Variants in SARM1 observed in about 807,000 individuals in gnomAD.
The protein encoded by SARM1 is sterile alpha and TIR motif containing 1.
Under a neutral mutation model 65.1 loss-of-function variants are expected in SARM1, and 60 were observed. The observed-to-expected ratio is 0.92, with a 90% CI of 0.75 to 1.14. SARM1 has a LOEUF of 1.14. Ranked by LOEUF, SARM1 falls within the 50% of genes most tolerant of loss-of-function variation. The pLI is 0.00. For missense variants in SARM1, 913 were observed against 1,015.7 expected (o/e 0.90, Z 1.37); for synonymous variants, 417 against 465.4 (o/e 0.90, Z 1.34).
rs1183755575 is a variant in SARM1 at position 28,372,869 on chromosome 17, G to A, written c.470+367G>A. 4.5e-6 allele frequency: 1 copy of A among 221,746 alleles called. No homozygotes were observed. Among genetic ancestry groups the A allele is most frequent in the African/African-American group, 2.3e-5 (1 of 43,520 alleles). 13.7% of individuals were successfully genotyped at this position (221,746 alleles called of 1,614,324 possible). On this transcript the variant is annotated intron_variant, in intron 1 of 8. Coordinates refer to ENST00000585482, the MANE Select transcript of SARM1 (RefSeq NM_015077.4). This position sits in a 1 kb window ranked among gnomAD's most constrained non-coding sequence, Gnocchi z 5.2. ...CTCCTTCCCACCGGCTTGGGTTCCC[G>A]TCTATGACACCTTCTCTCGCCATCA...
chr17:28,388,160 A>G lies in SARM1; in HGVS notation c.1631-14A>G. ...AGGGGCCACCTTCACCATGCTGCCT[A>G]TTGCCCACTTCAGAAATGCTACACT... On this transcript the variant is annotated splice_polypyrimidine_tract_variant and intron_variant, in intron 5 of 8. Coordinates refer to ENST00000585482, the MANE Select transcript of SARM1 (RefSeq NM_015077.4). 1 of 1,534,658 alleles carries G rather than the reference A, an allele frequency of 6.5e-7. No homozygotes were observed. The highest frequency in any genetic ancestry group is 8.8e-7 in the Non-Finnish European group (1 of 1,133,712).
chr17:28,397,074 G>C lies in SARM1; in HGVS notation c.*788G>C, dbSNP rs1555588292. ...CCCATGCCTTGGTGCTGTGCCTCAG[G>C]CTCCTTCCTGGTCTGGCCCAGCTGG... On this transcript the variant is annotated 3_prime_UTR_variant, in exon 9 of 9. Transcript: ENST00000585482. 6.5e-6 allele frequency: 1 copy of C among 152,794 alleles called. No individual in the cohort carries two copies. The highest frequency in any genetic ancestry group is 1.5e-5 in the Non-Finnish European group (1 of 68,224). The allele number at this position is 152,794 out of a possible 1,614,324, so 9.5% of individuals were successfully genotyped here.
In SARM1 at chr17:28,384,516, G is replaced by A; in HGVS notation, c.1249G>A (p.Val417Ile). 1.2e-6 allele frequency: 2 copies of A among 1,613,390 alleles called. No homozygotes were observed. The highest frequency in any genetic ancestry group is 1.3e-5 in the African/African-American group (1 of 75,058). Residue 417 changes from valine (V) to isoleucine (I), a missense_variant, in exon 3 of 9, where the codon GTT becomes ATT. Physicochemically the swap from Val to Ile is conservative, Grantham distance 29. This residue lies in a region of SARM1 where 862 missense variants were observed against 952.1 expected (regional missense o/e 0.91). Transcript: ENST00000585482. This position sits in a 1 kb window ranked among gnomAD's most constrained non-coding sequence, Gnocchi z 4.4. ...PSVPSWKEAE[V>I]QTWLQQIGFS... Reference sequence around the variant, plus strand: ...CGTGCCCAGCTGGAAGGAGGCCGAGGTTCAGACGTGGCTGCAGCAGATCGG... The same window carrying A: ...CGTGCCCAGCTGGAAGGAGGCCGAGATTCAGACGTGGCTGCAGCAGATCGG...
intron 1 of SARM1, among the ~76,000 whole-genome samples, chr17:28,374,526 G>A (rs1302179928): frequency 6.6e-6 from 1 of 152,090 alleles, no homozygotes; most frequent in Non-Finnish European, 1.5e-5. Context: ...AACAGAGTGA[G>A]ACTCCATCTC....
rs782291052 is a variant in SARM1 at position 28,381,192 on chromosome 17, T to C, written c.471-11T>C. The C allele has an allele frequency of 3.8e-6, 6 of 1,577,788 alleles. No individual in the cohort carries two copies. The highest frequency in any genetic ancestry group is 3.6e-5 in the Admixed American group (2 of 55,788). On this transcript the variant is annotated splice_polypyrimidine_tract_variant and intron_variant, in intron 1 of 8. Transcript: ENST00000585482. Reference sequence around the variant, plus strand: ...GCAATTCCACTGTCCCCTTCCACTTTCACTGGGCAGAGACCGCGTGGCGCG... The same window carrying C: ...GCAATTCCACTGTCCCCTTCCACTTCCACTGGGCAGAGACCGCGTGGCGCG...
Position 28,381,479 on chromosome 17 carries a change from C to T in SARM1, c.747C>T (p.Arg249=). ...TGCAGCGACGCATGGTAGAGAAGCGCGCAGCCGAGTGGCTCTTCCCGCTCG... is the reference window on the plus strand; with the variant it reads ...TGCAGCGACGCATGGTAGAGAAGCGTGCAGCCGAGTGGCTCTTCCCGCTCG... ...QAVQRRMVEK[R]AAEWLFPLAF... The change falls in exon 2 of 9, where the codon CGC becomes CGT. Residue 249 remains arginine (R), a synonymous_variant. Coordinates refer to ENST00000585482, the MANE Select transcript of SARM1 (RefSeq NM_015077.4). 6.4e-7 allele frequency: 1 copy of T among 1,553,166 alleles called. No homozygotes were observed. The highest frequency in any genetic ancestry group is 1.2e-5 in the South Asian group (1 of 84,246).
At chr17:28,388,574 T>C (rs781968616) in intron 7 of SARM1, 35 bp downstream of exon 7, 2 of 1,598,064 alleles carry the variant, frequency 1.3e-6, no homozygotes, top group Non-Finnish European at 1.7e-6. Flanking sequence ...GGTCCCAGCA[T>C]TGGCCTGTGG....
intron 1 of SARM1, among the ~76,000 whole-genome samples, chr17:28,379,299 C>CT (rs1193480505): frequency 0.038 from 2,977 of 78,402 alleles, 738 homozygotes; most frequent in African/African-American, 0.071. Flanking sequence ...CCATTTAGAT[C>CT]TTTTTTTTTT....
rs782228906 is a variant in SARM1, at chr17:28,385,108, C to A, written c.1463C>A (p.Ala488Glu). The change falls in exon 5 of 9, where the codon GCG becomes GAG. Residue 488 changes from alanine (A) to glutamate (E), a missense_variant. Ala to Glu is a moderately radical substitution (Grantham distance 107). This residue lies in a region of SARM1 where 862 missense variants were observed against 952.1 expected (regional missense o/e 0.91). Coordinates refer to ENST00000585482, the MANE Select transcript of SARM1 (RefSeq NM_015077.4). The surrounding 1 kb of genome is among the most constrained non-coding windows in gnomAD (Gnocchi z 4.5). Reference protein sequence around the residue: ...NYSTCDRSNLADWLGSLDPRF... With the variant: ...NYSTCDRSNLEDWLGSLDPRF... ...TCTACGTGCGACCGCAGCAACCTGG[C>A]GGACTGGCTGGGCAGCCTGGACCCG... The A allele has an allele frequency of 8.5e-5, 137 of 1,613,680 alleles. No homozygotes were observed. Among genetic ancestry groups the A allele is most frequent in the Non-Finnish European group, 1.1e-4 (133 of 1,179,882 alleles).
Position 28,381,194 on chromosome 17 carries a change from A to C in SARM1, c.471-9A>C. The C allele has an allele frequency of 6.3e-7, 1 of 1,579,910 alleles. No homozygotes were observed. The highest frequency in any genetic ancestry group is 8.6e-7 in the Non-Finnish European group (1 of 1,164,032). On this transcript the variant is annotated splice_polypyrimidine_tract_variant and intron_variant, in intron 1 of 8. Coordinates refer to ENST00000585482, the MANE Select transcript of SARM1 (RefSeq NM_015077.4). The stretch of plus-strand genomic sequence containing the variant: ...AATTCCACTGTCCCCTTCCACTTTC[A>C]CTGGGCAGAGACCGCGTGGCGCGCA...
At chr17:28,386,412 T>C (rs1370367659) in intron 5 of SARM1, among the ~76,000 whole-genome samples, 1 of 142,080 alleles carries the variant, frequency 7.0e-6, no homozygotes, top group Non-Finnish European at 1.5e-5. Flanking sequence ...CCATCATGGG[T>C]GTTCCTTTTA....
At chr17:28,389,505 C>A (rs560179610) in intron 7 of SARM1, among the ~76,000 whole-genome samples, 1 of 152,102 alleles carries the variant, frequency 6.6e-6, no homozygotes, top group Non-Finnish European at 1.5e-5. Flanking sequence ...AATCATTAAT[C>A]GGTCAGTAGG....
chr17:28,384,717 G>A lies in SARM1; in HGVS notation c.1303-122G>A. On this transcript the variant is annotated intron_variant, in intron 3 of 8. Coordinates refer to ENST00000585482, the MANE Select transcript of SARM1 (RefSeq NM_015077.4). The surrounding 1 kb of genome is among the most constrained non-coding windows in gnomAD (Gnocchi z 4.4). Reference sequence around the variant, plus strand: ...TACGCAGCCACCGTTAGGGTCACTCGGCTCTGATCTAGGTCCCATCCGCCT... The same window carrying A: ...TACGCAGCCACCGTTAGGGTCACTCAGCTCTGATCTAGGTCCCATCCGCCT... The A allele has an allele frequency of 8.4e-7, 1 of 1,195,890 alleles. No individual in the cohort carries two copies. The highest frequency in any genetic ancestry group is 1.2e-6 in the Non-Finnish European group (1 of 837,996). 74.1% of individuals were successfully genotyped at this position (1,195,890 alleles called of 1,614,324 possible).
rs889398628 is a variant in SARM1 at position 28,398,841 on chromosome 17, C to T, written c.*2555C>T. 2.0e-5 allele frequency: 3 copies of T among 152,252 alleles called. No individual in the cohort carries two copies. The highest frequency in any genetic ancestry group is 7.2e-5 in the African/African-American group (3 of 41,470). 9.4% of individuals were successfully genotyped at this position (152,252 alleles called of 1,614,324 possible). A position where few individuals can be genotyped will look rare whatever the true frequency, so the allele number is the denominator to read the frequency against. ...ACAATTTGGGGCATTGCTGATCTAG[C>T]CGTTCCTAGTGGGGCTTGCTCAAGG... is the stretch of plus-strand genomic sequence containing the variant. On this transcript the variant is annotated 3_prime_UTR_variant, in exon 9 of 9. Transcript: ENST00000585482.
Position 28,402,376 on chromosome 17 carries a change from A to C in SARM1, c.*6090A>C. On this transcript the variant is annotated 3_prime_UTR_variant, in exon 9 of 9. Transcript: ENST00000585482. ...ATGGGGCTGGGGAGAGGGGCGTCCAAGGGAAAGGCAGCAGAGCTCCTATCC... is the reference window on the plus strand; with the variant it reads ...ATGGGGCTGGGGAGAGGGGCGTCCACGGGAAAGGCAGCAGAGCTCCTATCC... The C allele has an allele frequency of 6.8e-7, 1 of 1,478,554 alleles. No individual in the cohort carries two copies. Among genetic ancestry groups the C allele is most frequent in the Non-Finnish European group, 9.4e-7 (1 of 1,069,268 alleles). The allele number at this position is 1,478,554 out of a possible 1,614,324, so 91.6% of individuals were successfully genotyped here. A position where few individuals can be genotyped will look rare whatever the true frequency, so the allele number is the denominator to read the frequency against.
intron 7 of SARM1, among the ~76,000 whole-genome samples, chr17:28,391,727 A>ATG (rs1555586922): frequency 8.5e-6 from 1 of 117,050 alleles, no homozygotes; most frequent in East Asian, 2.5e-4. Context: ...AAAAAAAAAA[A>ATG]AGAGAGAGAG....
At chr17:28,382,086 A>G (rs1156543899) in intron 2 of SARM1, among the ~76,000 whole-genome samples, 1 of 149,680 alleles carries the variant, frequency 6.7e-6, no homozygotes, top group African/African-American at 2.4e-5. Context: ...CTGTGTGGAA[A>G]GGGGCTTGGC....
rs190683321 is a variant in SARM1 at position 28,392,486 on chromosome 17, T to C, written c.1924-3419T>C. Among the ~76,000 whole-genome samples, 556 of 152,342 alleles carry C rather than the reference T, an allele frequency of 3.6e-3. 6 individuals are homozygous for C. Among genetic ancestry groups the C allele is most frequent in the African/African-American group, 0.013 (529 of 41,580 alleles). On this transcript the variant is annotated intron_variant, in intron 7 of 8. Transcript: ENST00000585482. ...AATTTGTACTGTCTTTGGTTTTGTA[T>C]AATTCTGGATGAAACAAATTTCTAA...
At chr17:28,390,678 T>TAAA (rs1305269352) in intron 7 of SARM1, among the ~76,000 whole-genome samples, 3 of 129,988 alleles carry the variant, frequency 2.3e-5, no homozygotes, top group Non-Finnish European at 5.0e-5. Flanking sequence ...TTGGGCAAGA[T>TAAA]AAAAAAAAAA....
Sources: allele counts gnomAD v4.1 joint callset (sites outside exome capture counted in the v4.1 genomes callset), GRCh38; gene constraint gnomAD v4.1.1; regional missense constraint gnomAD v4.1.1; non-coding constraint Gnocchi (gnomAD v3.1); transcripts MANE v1.5; gene names NCBI Gene and HGNC (gene_info 2026-07-23, HGNC 2026-07-21).